DOCK1: variants seen among roughly 807,000 people sequenced by gnomAD.
DOCK1 encodes dedicator of cytokinesis protein 1.
In DOCK1, 138 loss-of-function variants were observed where a neutral mutation model predicts 262.7. The observed-to-expected ratio is 0.53, with a 90% CI of 0.46 to 0.61. DOCK1 has a LOEUF of 0.61. Among genes scored for constraint, DOCK1 ranks in the 20% least tolerant of loss-of-function variants. DOCK1 has a pLI of 0.00. For synonymous variants in DOCK1, 866 were observed against 867.4 expected (o/e 1.00, Z 0.03); for missense variants, 1,908 against 2,370.7 (o/e 0.80, Z 4.05).
Position 127,390,060 on chromosome 10 carries a change from G to A in DOCK1, c.3927+5151G>A, listed in dbSNP as rs180955109. Among the ~76,000 whole-genome samples the A allele has an allele frequency of 1.9e-3, 288 of 151,280 alleles. 1 individual carries two copies. Among genetic ancestry groups the A allele is most frequent in the African/African-American group, 6.5e-3 (268 of 41,268 alleles). On this transcript the variant is annotated intron_variant, in intron 38 of 51. Transcript: ENST00000623213. ...TGAGACCTCCCTGCCTTCTGCTCTC[G>A]GTCCTGTGCCTGCTTTGCCTTCCGC...
At chr10:127,308,766 C>T (rs2061963368) in intron 29 of DOCK1, among the ~76,000 whole-genome samples, 1 of 152,172 alleles carries the variant, frequency 6.6e-6, no homozygotes. Flanking sequence ...GACATGAACT[C>T]ATTCTTTTTT....
At chr10:127,402,684 C>G in intron 38 of DOCK1, 1 of 525,110 alleles carries the variant, frequency 1.9e-6, no homozygotes, top group South Asian at 1.4e-5. Context: ...ACCCCACAGC[C>G]TCTCTTCACC....
intron 46 of DOCK1, 102 bp from the exon 47 acceptor site, chr10:127,425,772 C>A: frequency 1.3e-6 from 2 of 1,521,432 alleles, no homozygotes; most frequent in Admixed American, 1.9e-5. Context: ...GATTTGGAAA[C>A]CAAAGCAGAT....
intron 1 of DOCK1, among the ~76,000 whole-genome samples, chr10:126,921,353 A>T (rs2033176840): frequency 6.6e-6 from 1 of 152,236 alleles, no homozygotes; most frequent in Non-Finnish European, 1.5e-5. Context: ...ATGGAATATT[A>T]TTCAGCCATG....
At chr10:126,980,491 T>A (rs1361007314) in intron 3 of DOCK1, among the ~76,000 whole-genome samples, 1 of 152,184 alleles carries the variant, frequency 6.6e-6, no homozygotes, top group African/African-American at 2.4e-5. Flanking sequence ...TGTGCACCTC[T>A]GAGCCTGGCC....
chr10:127,013,546 T>C (rs1377155037), intron 12 of DOCK1: 1 of 152,164 alleles, frequency 6.6e-6, no homozygotes, highest in Non-Finnish European at 1.5e-5. Context: ...AAAGTGGAGT[T>C]TGGTGTCAGG....
At chr10:127,376,202 GA>G (rs1347171195) in intron 35 of DOCK1, among the ~76,000 whole-genome samples, 1 of 152,188 alleles carries the variant, frequency 6.6e-6, no homozygotes, top group Admixed American at 6.5e-5. Context: ...AAACATAAAA[GA>G]AGGTGGGTAA....
chr10:127,055,880 A>G (rs1336230197), intron 22 of DOCK1, among the ~76,000 whole-genome samples: 2 of 152,188 alleles, frequency 1.3e-5, no homozygotes, highest in African/African-American at 4.8e-5. Context: ...GTTTAGTGCT[A>G]AAGTCCTCTG....
rs1324260313 is a variant in DOCK1, at chr10:127,451,517, T to C, written c.*90T>C. On this transcript the variant is annotated 3_prime_UTR_variant, in exon 52 of 52. Coordinates refer to ENST00000623213, the MANE Select transcript of DOCK1 (RefSeq NM_001290223.2). ...TCCCCTGAGTCTGCTGTTTACCTCA[T>C]TGGGCCTGTGATGTTAACATTTCGT... 6.5e-7 allele frequency: 1 copy of C among 1,539,132 alleles called. No individual in the cohort carries two copies. The highest frequency in any genetic ancestry group is 1.4e-5 in the African/African-American group (1 of 72,896).
At chr10:127,091,290 C>G (rs1368361465) in intron 23 of DOCK1, among the ~76,000 whole-genome samples, 1 of 152,146 alleles carries the variant, frequency 6.6e-6, no homozygotes, top group African/African-American at 2.4e-5. Context: ...GCCTGAACGT[C>G]TATTTTTAAT....
At chr10:127,397,742 TCCTGTATGACAC>T (rs1565059077) in intron 38 of DOCK1, among the ~76,000 whole-genome samples, 172 of 104,224 alleles carry the variant, frequency 1.7e-3, no homozygotes, top group African/African-American at 2.3e-3. Flanking sequence ...GGGCAGCGAC[TCCTGTATGACAC>T]GGGCAGCGAC....
intron 27 of DOCK1, among the ~76,000 whole-genome samples, chr10:127,194,124 C>G (rs2056936502): frequency 6.6e-6 from 1 of 152,190 alleles, no homozygotes; most frequent in African/African-American, 2.4e-5. Flanking sequence ...AGAAATTAAA[C>G]TGAATTGTTT....
intron 27 of DOCK1, among the ~76,000 whole-genome samples, chr10:127,233,164 T>G (rs534530069): frequency 1.8e-4 from 28 of 152,354 alleles, no homozygotes; most frequent in Middle Eastern, 6.8e-3. Flanking sequence ...TTAATCTCTA[T>G]AAACCAATGT....
In DOCK1 at chr10:127,176,493, C is replaced by T. The variant is rs901838938; in HGVS notation, c.2847+48729C>T. 1 of 1,029,356 alleles carries T rather than the reference C, an allele frequency of 9.7e-7. No individual in the cohort carries two copies. Among genetic ancestry groups the T allele is most frequent in the Non-Finnish European group, 1.4e-6 (1 of 708,324 alleles). 63.8% of individuals were successfully genotyped at this position (1,029,356 alleles called of 1,614,324 possible). A position where few individuals can be genotyped will look rare whatever the true frequency, so the allele number is the denominator to read the frequency against. ...AACTTTTAGCCACCACGACGACTGC[C>T]TGTTTCCTAATTATATTTAAGCAGG... On this transcript the variant is annotated intron_variant, in intron 27 of 51. Coordinates refer to ENST00000623213, the MANE Select transcript of DOCK1 (RefSeq NM_001290223.2). The surrounding 1 kb of genome is among the most constrained non-coding windows in gnomAD (Gnocchi z 4.4).
chr10:127,251,002 G>T (rs11817452), intron 28 of DOCK1, among the ~76,000 whole-genome samples: 3,494 of 151,420 alleles, frequency 0.023, 111 homozygotes, highest in African/African-American at 0.081. Flanking sequence ...CACTCTTGTT[G>T]CCCAGGCTGG....
At chr10:126,996,959 GC>G in intron 7 of DOCK1, 76 bp downstream of exon 7, 1 of 1,437,560 alleles carries the variant, frequency 7.0e-7, no homozygotes, top group Admixed American at 2.6e-5. Context: ...TATCAGTCAA[GC>G]CCAAAATTGT....
intron 1 of DOCK1, among the ~76,000 whole-genome samples, chr10:126,918,791 G>A (rs2032815356): frequency 6.6e-6 from 1 of 152,178 alleles, no homozygotes; most frequent in South Asian, 2.1e-4. Context: ...TAATGATACT[G>A]TGTTATTAGC....
chr10:127,295,763 A>G (rs1479068769), intron 29 of DOCK1, among the ~76,000 whole-genome samples: 2 of 152,074 alleles, frequency 1.3e-5, no homozygotes, highest in African/African-American at 2.4e-5. Context: ...CTCTGTGCCA[A>G]TTGAGGTTTG....
chr10:127,114,270 A>T (rs1262077358), intron 25 of DOCK1, among the ~76,000 whole-genome samples: 1 of 152,150 alleles, frequency 6.6e-6, no homozygotes, highest in East Asian at 1.9e-4. Flanking sequence ...TGAAATGCTT[A>T]TGGGTATTCC....
Sources: allele counts gnomAD v4.1 joint callset (sites outside exome capture counted in the v4.1 genomes callset), GRCh38; gene constraint gnomAD v4.1.1; non-coding constraint Gnocchi (gnomAD v3.1); transcripts MANE v1.5; gene names NCBI Gene and HGNC (gene_info 2026-07-23, HGNC 2026-07-21).